Variants in AFG1L observed in about 807,000 individuals in gnomAD.
The protein encoded by AFG1L is AFG1 like ATPase, also known as AFG1-like ATPase.
AFG1L carries 53 observed loss-of-function variants against 62.2 expected under a neutral mutation model. That is an observed-to-expected ratio of 0.85 (90% CI 0.68 to 1.07). The LOEUF is 1.07. Among genes scored for constraint, AFG1L ranks in the 50% least tolerant of loss-of-function variants. The pLI is 0.00. For missense variants in AFG1L, 555 were observed against 590.5 expected (o/e 0.94, Z 0.62); for synonymous variants, 228 against 210.3 (o/e 1.08, Z -0.73).
intron 6 of AFG1L, among the ~76,000 whole-genome samples, chr6:108,373,230 A>C (rs1469046435): frequency 6.6e-6 from 1 of 151,666 alleles, no homozygotes; most frequent in Admixed American, 6.6e-5. Flanking sequence ...TATCATTCCC[A>C]TCTTTATGTC....
At position 108,439,062 on chromosome 6, in the gene AFG1L, G is replaced by A. The variant is rs140617141; in HGVS notation, c.808-8152G>A. Among the ~76,000 whole-genome samples, 532 of 152,152 alleles carry A rather than the reference G, an allele frequency of 3.5e-3. 2 individuals carry two copies. Among genetic ancestry groups the A allele is most frequent in the Non-Finnish European group, 5.6e-3 (378 of 68,018 alleles). On this transcript the variant is annotated intron_variant, in intron 7 of 12. Coordinates refer to ENST00000368977, the MANE Select transcript of AFG1L (RefSeq NM_145315.5). ...AATGTTAAAAATTTAGAGCTTAAAG[G>A]GATCGTAATCAATTCCTTTATTTTG...
intron 2 of AFG1L, among the ~76,000 whole-genome samples, chr6:108,341,684 A>T (rs1459495785): frequency 6.6e-6 from 1 of 152,038 alleles, no homozygotes; most frequent in Non-Finnish European, 1.5e-5. Context: ...GGTAGGTGGT[A>T]GGTTATCACT....
chr6:108,424,377 T>A (rs144133281), intron 7 of AFG1L, among the ~76,000 whole-genome samples: 1 of 152,214 alleles, frequency 6.6e-6, no homozygotes, highest in Non-Finnish European at 1.5e-5. Context: ...AATAAAGTCT[T>A]AGGCTACCTA....
chr6:108,344,885 C>T (rs565094551), intron 2 of AFG1L: 47 of 454,406 alleles, frequency 1.0e-4, no homozygotes, highest in Non-Finnish European at 5.0e-5. Context: ...TATTTTGCTT[C>T]ATCTCCAGAG....
At chr6:108,408,484 T>C (rs1256831861) in intron 7 of AFG1L, among the ~76,000 whole-genome samples, 1 of 152,262 alleles carries the variant, frequency 6.6e-6, no homozygotes, top group Non-Finnish European at 1.5e-5. Flanking sequence ...TGCTGAACTC[T>C]ACTGTGCAAA....
At chr6:108,356,651 C>T (rs1329239930) in intron 4 of AFG1L, 39 bp from the exon 5 acceptor site, 2 of 1,429,784 alleles carry the variant, frequency 1.4e-6, no homozygotes, top group Admixed American at 4.4e-5. Context: ...CTAAAAAGTA[C>T]TAATATATTT....
intron 2 of AFG1L, among the ~76,000 whole-genome samples, chr6:108,343,981 A>C (rs1582407062): frequency 6.6e-6 from 1 of 152,334 alleles, no homozygotes; most frequent in South Asian, 2.1e-4. Flanking sequence ...TGAACCCATA[A>C]ATTATAAAAC....
chr6:108,389,136 CTTCT>C (rs1463444607), intron 6 of AFG1L, among the ~76,000 whole-genome samples: 1 of 152,124 alleles, frequency 6.6e-6, no homozygotes, highest in Non-Finnish European at 1.5e-5. Flanking sequence ...ATGTAATGGC[CTTCT>C]TTGTCTCTTT....
intron 7 of AFG1L, among the ~76,000 whole-genome samples, chr6:108,417,102 T>C (rs1770332472): frequency 1.3e-5 from 2 of 151,292 alleles, no homozygotes; most frequent in African/African-American, 4.9e-5. Flanking sequence ...GGCATGGTGG[T>C]GCATGCCTGT....
rs527974437 is a variant in AFG1L at position 108,352,544 on chromosome 6, A to G, written c.416-3110A>G. On this transcript the variant is annotated intron_variant, in intron 3 of 12. Transcript: ENST00000368977. Reference sequence around the variant, plus strand: ...AATGCTATAATAGTTGTTATACTATATTGTTTTTTGTTTATGATGATGATT... The same window carrying G: ...AATGCTATAATAGTTGTTATACTATGTTGTTTTTTGTTTATGATGATGATT... Among the ~76,000 whole-genome samples, 43 of 152,196 alleles carry G rather than the reference A, an allele frequency of 2.8e-4. 1 individual carries two copies. The South Asian group carries it at 8.9e-3, about 32-fold the overall frequency.
chr6:108,431,904 A>G (rs75742804), intron 7 of AFG1L, among the ~76,000 whole-genome samples: 8,304 of 151,194 alleles, frequency 0.055, 322 homozygotes, highest in Admixed American at 0.11. Flanking sequence ...CTTTCTTTTT[A>G]TAATTAGAGT....
intron 10 of AFG1L, among the ~76,000 whole-genome samples, chr6:108,486,081 C>T (rs1488185022): frequency 1.3e-5 from 2 of 152,112 alleles, no homozygotes; most frequent in Admixed American, 6.6e-5. Flanking sequence ...AAGAATAGCT[C>T]TCTAAACAGA....
At chr6:108,513,490 C>G (rs1377506933) in intron 11 of AFG1L, among the ~76,000 whole-genome samples, 1 of 152,202 alleles carries the variant, frequency 6.6e-6, no homozygotes, top group African/African-American at 2.4e-5. Flanking sequence ...TTGGAGGGTT[C>G]TACACCCACA....
intron 2 of AFG1L, among the ~76,000 whole-genome samples, chr6:108,327,903 C>T (rs976752315): frequency 5.3e-5 from 8 of 152,176 alleles, no homozygotes; most frequent in Non-Finnish European, 1.0e-4. Flanking sequence ...CGTTAACCAG[C>T]GTAAAGATTG....
intron 6 of AFG1L, among the ~76,000 whole-genome samples, chr6:108,398,424 C>G (rs951766958): frequency 3.9e-5 from 6 of 152,068 alleles, no homozygotes; most frequent in Admixed American, 6.6e-5. Flanking sequence ...ACTTTGCCAG[C>G]TGTTTCCTTT....
intron 4 of AFG1L, among the ~76,000 whole-genome samples, chr6:108,355,976 C>T (rs1779272087): frequency 2.0e-5 from 3 of 152,238 alleles, no homozygotes; most frequent in South Asian, 4.1e-4. Context: ...ACAGAGATTG[C>T]TGTATGAAGC....
Position 108,325,142 on chromosome 6 carries a change from T to C in AFG1L, c.363+1094T>C, listed in dbSNP as rs117707984. ...CAAGCAAGAAGCAGGCACTGGTTTC[T>C]GTCTTTGTCATGCATACCCCTTTCT... On this transcript the variant is annotated intron_variant, in intron 2 of 12. Transcript: ENST00000368977. Among the ~76,000 whole-genome samples, 5 of 152,324 alleles carry C rather than the reference T, an allele frequency of 3.3e-5. No individual in the cohort carries two copies. The East Asian group carries it at 9.7e-4, about 29-fold the overall frequency.
intron 1 of AFG1L, among the ~76,000 whole-genome samples, chr6:108,303,337 A>G (rs948003318): frequency 2.6e-5 from 4 of 152,142 alleles, no homozygotes; most frequent in African/African-American, 7.2e-5. Context: ...GTGAGCCAAC[A>G]TGCCCAGCCT....
At chr6:108,344,836 GT>G (rs1168691724) in intron 2 of AFG1L, 1 of 470,208 alleles carries the variant, frequency 2.1e-6, no homozygotes, top group Admixed American at 2.4e-5. Flanking sequence ...ATTCAAGATG[GT>G]TATTTGGGTT....
Sources: gnomAD v4.1 joint callset for allele counts (sites outside exome capture counted in the v4.1 genomes callset) on GRCh38, gnomAD v4.1.1 for gene constraint, MANE v1.5 for transcripts, NCBI Gene and HGNC (gene_info 2026-07-23, HGNC 2026-07-21) for gene names.